The following TMOD2 variants were observed in gnomAD, a reference collection of about 807,000 sequenced individuals.
TMOD2 encodes tropomodulin 2, also known as tropomodulin-2.
Under a neutral mutation model 39.9 loss-of-function variants are expected in TMOD2, and 22 were observed. The ratio of observed to expected loss-of-function variants is 0.55; its 90% CI spans 0.39 to 0.79. The LOEUF is 0.79. TMOD2 is among the 30% of genes least tolerant of loss of function. The pLI is 0.00. For synonymous variants in TMOD2, 123 were observed against 146.1 expected, an observed-to-expected ratio of 0.84 and a Z score of 1.14; for missense variants, 386 against 413.3, an observed-to-expected ratio of 0.93 and a Z score of 0.57.
chr15:51,808,559 G>T lies in TMOD2; in HGVS notation c.*105G>T. The T allele has an allele frequency of 1.3e-6, 1 of 794,196 alleles. No individual in the cohort carries two copies. The highest frequency in any genetic ancestry group is 2.0e-6 in the Non-Finnish European group (1 of 492,060). The allele number at this position is 794,196 out of a possible 1,614,324, so 49.2% of individuals were successfully genotyped here. On this transcript the variant is annotated 3_prime_UTR_variant, in exon 10 of 10. Transcript: ENST00000249700. Reference sequence around the variant, plus strand: ...ATTTTATCAAAGTTCGTTCATTTCCGTTAACCACATAACTAATAATTTAAT... The same window carrying T: ...ATTTTATCAAAGTTCGTTCATTTCCTTTAACCACATAACTAATAATTTAAT...
intron 7 of TMOD2, among the ~76,000 whole-genome samples, chr15:51,792,030 G>C (rs1338039534): frequency 6.6e-6 from 1 of 152,156 alleles, no homozygotes; most frequent in African/African-American, 2.4e-5. Flanking sequence ...TTAAACTGAA[G>C]AGGTTCTGCA....
intron 4 of TMOD2, among the ~76,000 whole-genome samples, chr15:51,774,453 C>T (rs917837824): frequency 1.3e-5 from 2 of 152,198 alleles, no homozygotes; most frequent in African/African-American, 4.8e-5. Flanking sequence ...GATCTTCCTT[C>T]TACATACACA....
At position 51,814,467 on chromosome 15, in the gene TMOD2, C is replaced by T. The variant is rs929554561; in HGVS notation, c.*6013C>T. 2 of 152,200 alleles carry T rather than the reference C, an allele frequency of 1.3e-5. No individual in the cohort carries two copies. Among genetic ancestry groups the T allele is most frequent in the African/African-American group, 4.8e-5 (2 of 41,454 alleles). 9.4% of individuals were successfully genotyped at this position (152,200 alleles called of 1,614,324 possible). A position where few individuals can be genotyped will look rare whatever the true frequency, so the allele number is the denominator to read the frequency against. On this transcript the variant is annotated 3_prime_UTR_variant, in exon 10 of 10. Coordinates refer to ENST00000249700, the MANE Select transcript of TMOD2 (RefSeq NM_014548.4). The stretch of plus-strand genomic sequence containing the variant: ...CATGGCCTCCAATGACTTTCATAAG[C>T]CCTTGGAGGCAGGACTGTGTCTCAT...
intron 7 of TMOD2, among the ~76,000 whole-genome samples, chr15:51,791,033 G>T (rs1228941357): frequency 6.6e-6 from 1 of 152,058 alleles, no homozygotes; most frequent in Non-Finnish European, 1.5e-5. Context: ...AGCAATAAAG[G>T]GTATTCAAAT....
intron 6 of TMOD2, 131 bp from the exon 7 acceptor site, chr15:51,782,590 A>G: frequency 1.4e-6 from 1 of 717,766 alleles, no homozygotes; most frequent in Admixed American, 2.5e-5. Context: ...AGGCTAGGTA[A>G]TGACCCTCAT....
intron 1 of TMOD2, among the ~76,000 whole-genome samples, chr15:51,755,040 C>T (rs577732197): frequency 6.6e-5 from 10 of 152,318 alleles, no homozygotes; most frequent in Admixed American, 3.9e-4. Flanking sequence ...TTTAATGGAT[C>T]ATAACAGTTT....
At chr15:51,755,934 A>G (rs865850433) in intron 1 of TMOD2, among the ~76,000 whole-genome samples, 1 of 152,046 alleles carries the variant, frequency 6.6e-6, no homozygotes, top group African/African-American at 2.4e-5. Context: ...CCAATCAGGA[A>G]GTTAGAAGAA....
At chr15:51,807,579 G>A (rs2141646566) in intron 9 of TMOD2, among the ~76,000 whole-genome samples, 1 of 152,116 alleles carries the variant, frequency 6.6e-6, no homozygotes, top group South Asian at 2.1e-4. Context: ...AAGCACATTG[G>A]GTCCACAACC....
intron 7 of TMOD2, among the ~76,000 whole-genome samples, chr15:51,797,359 C>G (rs761581420): frequency 1.3e-5 from 2 of 152,218 alleles, no homozygotes; most frequent in South Asian, 2.1e-4. Flanking sequence ...AGTGTACTCT[C>G]CATCTGCCCT....
At chr15:51,797,235 G>A (rs1023235072) in intron 7 of TMOD2, among the ~76,000 whole-genome samples, 2 of 152,148 alleles carry the variant, frequency 1.3e-5, no homozygotes, top group Non-Finnish European at 2.9e-5. Context: ...AGGCGCCTCT[G>A]TTTCCGCACT....
chr15:51,799,441 T>C (rs866297008), intron 8 of TMOD2, among the ~76,000 whole-genome samples: 2 of 152,324 alleles, frequency 1.3e-5, no homozygotes, highest in African/African-American at 4.8e-5. Flanking sequence ...TTCTCTGTCT[T>C]TGCTAACCAG....
rs899465496 is a variant in TMOD2, at chr15:51,810,103, C to T, written c.*1649C>T. 8.6e-5 allele frequency: 13 copies of T among 150,692 alleles called. No homozygotes were observed. The highest frequency in any genetic ancestry group is 5.4e-4 in the Admixed American group (8 of 14,900). The allele number at this position is 150,692 out of a possible 1,614,324, so 9.3% of individuals were successfully genotyped here. On this transcript the variant is annotated 3_prime_UTR_variant, in exon 10 of 10. Coordinates refer to ENST00000249700, the MANE Select transcript of TMOD2 (RefSeq NM_014548.4). ...TTTAATTAGTTTATGGCTTCATCTC[C>T]TTATCTATTTAAAAAACATAGTAAA...
intron 8 of TMOD2, among the ~76,000 whole-genome samples, chr15:51,803,401 G>A (rs892362369): frequency 4.6e-5 from 7 of 152,006 alleles, no homozygotes; most frequent in South Asian, 2.1e-4. Flanking sequence ...GGTTGGTCTC[G>A]AACTCCTGAC....
chr15:51,752,249 C>G (rs926819414), intron 1 of TMOD2, among the ~76,000 whole-genome samples: 1 of 152,084 alleles, frequency 6.6e-6, no homozygotes, highest in South Asian at 2.1e-4. Context: ...TGCGGATCCT[C>G]GAGAACCTTA....
At chr15:51,763,219 G>A (rs904582045) in intron 1 of TMOD2, among the ~76,000 whole-genome samples, 1 of 152,180 alleles carries the variant, frequency 6.6e-6, no homozygotes, top group Admixed American at 6.5e-5. Flanking sequence ...GACTACAGGC[G>A]TGAGCCACTG....
chr15:51,759,699 A>C (rs1426908495), intron 1 of TMOD2, among the ~76,000 whole-genome samples: 1 of 152,246 alleles, frequency 6.6e-6, no homozygotes, highest in African/African-American at 2.4e-5. Context: ...ATGAGAATAG[A>C]GAACAGCATT....
chr15:51,806,456 A>G lies in TMOD2; in HGVS notation c.956A>G (p.Tyr319Cys). Residue 319 changes from tyrosine to cysteine, a missense_variant, in exon 9 of 10, where the codon TAC becomes TGC. Physicochemically the swap from Tyr to Cys is radical, Grantham distance 194. Coordinates refer to ENST00000249700, the MANE Select transcript of TMOD2 (RefSeq NM_014548.4). ...AATTCAAGGATCCTCAAGTTTGGAT[A>G]CCAGTTTACCAAGCAAGGGCCACGA... is the stretch of plus-strand genomic sequence containing the variant. ...EENSRILKFG[Y>C]QFTKQGPRTR... 3 of 1,614,248 alleles carry G rather than the reference A, an allele frequency of 1.9e-6. No homozygotes were observed. The highest frequency in any genetic ancestry group is 2.5e-6 in the Non-Finnish European group (3 of 1,180,036).
At chr15:51,772,412 G>A (rs1206987604) in intron 3 of TMOD2, among the ~76,000 whole-genome samples, 4 of 152,200 alleles carry the variant, frequency 2.6e-5, no homozygotes, top group Non-Finnish European at 4.4e-5. Context: ...CCTGGTGCAC[G>A]TGTGGGATGT....
chr15:51,788,594 A>G (rs1425880155), intron 7 of TMOD2, among the ~76,000 whole-genome samples: 2 of 152,228 alleles, frequency 1.3e-5, no homozygotes, highest in African/African-American at 4.8e-5. Context: ...GGTTGAAATG[A>G]AGGAAAAAAT....
Sources: allele counts gnomAD v4.1 joint callset (sites outside exome capture counted in the v4.1 genomes callset), GRCh38; gene constraint gnomAD v4.1.1; transcripts MANE v1.5; gene names NCBI Gene and HGNC (gene_info 2026-07-23, HGNC 2026-07-21).